CPNE8: variants seen among roughly 807,000 people sequenced by gnomAD.
CPNE8 encodes the protein copine 8, also known as copine-8.
In CPNE8, 45 loss-of-function variants were observed where a neutral mutation model predicts 81.5. The ratio of observed to expected loss-of-function variants is 0.55; its 90% CI spans 0.44 to 0.71. CPNE8 has a LOEUF of 0.71. Ranked by LOEUF, CPNE8 falls within the 30% of genes least tolerant of loss-of-function variation. The pLI, the probability that CPNE8 is intolerant of heterozygous loss-of-function variation, is 0.00. For missense variants in CPNE8, 594 were observed against 672.1 expected (o/e 0.88, Z 1.28); for synonymous variants, 252 against 226.3 (o/e 1.11, Z -1.02).
At chr12:38,877,495 T>G (rs1382000061) in intron 1 of CPNE8, among the ~76,000 whole-genome samples, 3 of 152,060 alleles carry the variant, frequency 2.0e-5, no homozygotes, top group African/African-American at 7.2e-5. Context: ...ACATCAACAC[T>G]AGGTTAAAAG....
intron 6 of CPNE8, among the ~76,000 whole-genome samples, chr12:38,799,657 AGATGGCC>A (rs1565623833): frequency 2.0e-5 from 3 of 152,068 alleles, no homozygotes; most frequent in Non-Finnish European, 4.4e-5. Flanking sequence ...GGAGGAGTCA[AGATGGCC>A]GAATAGGAAC....
chr12:38,761,389 T>C (rs1941567359), intron 9 of CPNE8, among the ~76,000 whole-genome samples: 1 of 152,166 alleles, frequency 6.6e-6, no homozygotes, highest in Non-Finnish European at 1.5e-5. Context: ...ATTATGACTT[T>C]CTTAGGAACT....
chr12:38,743,032 A>G (rs1941145748), intron 10 of CPNE8, among the ~76,000 whole-genome samples: 1 of 152,128 alleles, frequency 6.6e-6, no homozygotes, highest in African/African-American at 2.4e-5. Flanking sequence ...ACACAATAGT[A>G]ATTAATATAT....
At chr12:38,871,332 T>A (rs1158484313) in intron 3 of CPNE8, among the ~76,000 whole-genome samples, 1 of 152,222 alleles carries the variant, frequency 6.6e-6, no homozygotes, top group Non-Finnish European at 1.5e-5. Context: ...GGTATCCTTA[T>A]CCTGGTTACT....
At chr12:38,794,198 G>A (rs966443599) in intron 6 of CPNE8, among the ~76,000 whole-genome samples, 5 of 152,096 alleles carry the variant, frequency 3.3e-5, no homozygotes, top group Admixed American at 6.6e-5. Context: ...ATAGACAAAT[G>A]GGGCCTGCAT....
intron 4 of CPNE8, among the ~76,000 whole-genome samples, chr12:38,841,648 G>C (rs747153057): frequency 2.0e-5 from 3 of 152,068 alleles, no homozygotes; most frequent in Admixed American, 6.5e-5. Flanking sequence ...TTGAAGTATT[G>C]GTAGGTGAAA....
At chr12:38,829,648 T>C (rs542266919) in intron 5 of CPNE8, among the ~76,000 whole-genome samples, 193 bp from the exon 6 acceptor site, 26 of 152,232 alleles carry the variant, frequency 1.7e-4, no homozygotes, top group South Asian at 4.1e-4. Flanking sequence ...GCATTTTGTG[T>C]TTTTAATCAC....
In CPNE8 at chr12:38,802,557, G is replaced by A. The variant is rs1448179293; in HGVS notation, c.408-26256C>T. ...ACTAAACGCCTACAAGAGAAAGCAG[G>A]AAAGATCCAAAATTGACACCCTAAC... On this transcript the variant is annotated intron_variant, in intron 6 of 19. Coordinates refer to ENST00000331366, the MANE Select transcript of CPNE8 (RefSeq NM_153634.3). Among the ~76,000 whole-genome samples, 6 of 108,338 alleles carry A rather than the reference G, an allele frequency of 5.5e-5. No individual in the cohort carries two copies. In the South Asian group the frequency reaches 1.7e-3, roughly 30 times the overall value. The allele number at this position is 108,338 out of a possible 152,430, so 71.1% of individuals were successfully genotyped here. A position where few individuals can be genotyped will look rare whatever the true frequency, so the allele number is the denominator to read the frequency against.
intron 1 of CPNE8, among the ~76,000 whole-genome samples, chr12:38,874,787 A>G (rs1944044044): frequency 6.6e-6 from 1 of 152,186 alleles, no homozygotes; most frequent in African/African-American, 2.4e-5. Context: ...ACATCCTAAG[A>G]TTAAAATCTC....
At chr12:38,768,524 T>G (rs766059833) in intron 7 of CPNE8, among the ~76,000 whole-genome samples, 6 of 151,320 alleles carry the variant, frequency 4.0e-5, no homozygotes, top group Admixed American at 6.6e-5. Context: ...GTTGTTTTTG[T>G]TTTTGTTTCT....
chr12:38,712,501 C>T (rs1940284880), intron 13 of CPNE8, among the ~76,000 whole-genome samples: 1 of 152,132 alleles, frequency 6.6e-6, no homozygotes, highest in Admixed American at 6.5e-5. Flanking sequence ...GTGTGAACCA[C>T]CATGCCCAGG....
intron 2 of CPNE8, among the ~76,000 whole-genome samples, chr12:38,874,142 A>G (rs1385797202): frequency 6.6e-6 from 1 of 151,942 alleles, no homozygotes; most frequent in East Asian, 1.9e-4. Context: ...GAAACGTATT[A>G]CTCTGTGACT....
At chr12:38,874,660 C>T (rs1004716989) in intron 1 of CPNE8, 149 bp from the exon 2 acceptor site, 4 of 490,754 alleles carry the variant, frequency 8.2e-6, no homozygotes, top group African/African-American at 4.1e-5. Context: ...ACTAAATAAA[C>T]ATGTCCCAAG....
At chr12:38,707,476 A>AGAAG (rs1169870519) in intron 13 of CPNE8, among the ~76,000 whole-genome samples, 1 of 151,990 alleles carries the variant, frequency 6.6e-6, no homozygotes, top group Non-Finnish European at 1.5e-5. Flanking sequence ...AAGGAAGGTA[A>AGAAG]GAAGGAAGGA....
chr12:38,897,551 A>T (rs943435421), intron 1 of CPNE8, among the ~76,000 whole-genome samples: 9 of 151,688 alleles, frequency 5.9e-5, no homozygotes, highest in Non-Finnish European at 8.8e-5. Flanking sequence ...TAACAACAAC[A>T]TATTCATGAT....
At chr12:38,773,110 C>A (rs1941841854) in intron 7 of CPNE8, among the ~76,000 whole-genome samples, 1 of 151,818 alleles carries the variant, frequency 6.6e-6, no homozygotes, top group Admixed American at 6.6e-5. Context: ...CTAAAATAGT[C>A]AAAATTATAG....
At chr12:38,723,688 A>T in intron 13 of CPNE8, 84 bp downstream of exon 13, 1 of 809,694 alleles carries the variant, frequency 1.2e-6, no homozygotes, top group African/African-American at 1.7e-5. Flanking sequence ...TGATCATTTC[A>T]GTGCCAGGTA....
chr12:38,835,060 T>C (rs1289706546), intron 5 of CPNE8, among the ~76,000 whole-genome samples: 3 of 152,188 alleles, frequency 2.0e-5, no homozygotes, highest in South Asian at 2.1e-4. Flanking sequence ...CTAATTTTTG[T>C]ATTTTTAGTA....
intron 6 of CPNE8, among the ~76,000 whole-genome samples, chr12:38,777,950 T>C (rs1323610392): frequency 6.6e-6 from 1 of 152,112 alleles, no homozygotes; most frequent in Non-Finnish European, 1.5e-5. Flanking sequence ...TATTGTGAAC[T>C]GAGAGGGACC....
Sources: gnomAD v4.1 joint callset for allele counts (sites outside exome capture counted in the v4.1 genomes callset) on GRCh38, gnomAD v4.1.1 for gene constraint, MANE v1.5 for transcripts, NCBI Gene and HGNC (gene_info 2026-07-23, HGNC 2026-07-21) for gene names.